Variants in CNTN5 observed in about 807,000 individuals in gnomAD.
CNTN5 encodes the protein contactin 5, also known as contactin-5.
A neutral mutation model predicts 129.1 loss-of-function variants in CNTN5; 77 were observed. The ratio of observed to expected loss-of-function variants is 0.60; its 90% CI spans 0.50 to 0.72. The LOEUF (loss-of-function observed/expected upper bound fraction) is 0.72. Among genes scored for constraint, CNTN5 ranks in the 30% least tolerant of loss-of-function variants. The pLI, the probability that CNTN5 is intolerant of heterozygous loss-of-function variation, is 0.00. For missense variants in CNTN5, 1,478 were observed against 1,328.8 expected (o/e 1.11, Z -1.75); for synonymous variants, 509 against 465.6 (o/e 1.09, Z -1.20).
chr11:99,591,630 G>A (rs1343007214), intron 3 of CNTN5, among the ~76,000 whole-genome samples: 1 of 152,070 alleles, frequency 6.6e-6, no homozygotes, highest in Non-Finnish European at 1.5e-5. Flanking sequence ...GAGCCACCAC[G>A]CCCAGCCCCT....
intron 3 of CNTN5, among the ~76,000 whole-genome samples, chr11:99,641,467 G>A (rs1300153411): frequency 1.3e-5 from 2 of 152,138 alleles, no homozygotes; most frequent in Non-Finnish European, 2.9e-5. Context: ...CTCTGTATGG[G>A]ACTGAAGACA....
At position 99,512,082 on chromosome 11, in the gene CNTN5, T is replaced by A. The variant is rs12285154; in HGVS notation, c.-70-44063T>A. Among the ~76,000 whole-genome samples, 1,065 of 152,230 alleles carry A rather than the reference T, an allele frequency of 7.0e-3. 13 individuals are homozygous for A. The highest frequency in any genetic ancestry group is 0.023 in the African/African-American group (976 of 41,556). On this transcript the variant is annotated intron_variant, in intron 2 of 24. Coordinates refer to ENST00000524871, the MANE Select transcript of CNTN5 (RefSeq NM_014361.4). ...TTATAAAGTCTACAGTAGTGTACAGTAATGTCCTAGGGCTTCACATTCACT... is the reference window on the plus strand; with the variant it reads ...TTATAAAGTCTACAGTAGTGTACAGAAATGTCCTAGGGCTTCACATTCACT...
intron 3 of CNTN5, among the ~76,000 whole-genome samples, chr11:99,575,261 T>C (rs767658714): frequency 9.2e-5 from 14 of 152,124 alleles, no homozygotes; most frequent in Admixed American, 3.3e-4. Context: ...ATTTGATACT[T>C]AAAGAAAGTT....
intron 18 of CNTN5, among the ~76,000 whole-genome samples, chr11:100,272,070 A>T (rs2138785907): frequency 6.6e-6 from 1 of 152,324 alleles, no homozygotes; most frequent in Non-Finnish European, 1.5e-5. Context: ...TGAAAACAAT[A>T]GAAAGAGGAG....
At chr11:100,252,414 T>C (rs1350496807) in intron 16 of CNTN5, among the ~76,000 whole-genome samples, 1 of 152,170 alleles carries the variant, frequency 6.6e-6, no homozygotes, top group African/African-American at 2.4e-5. Flanking sequence ...GCTTTTTAGT[T>C]TGGTATAATC....
At chr11:99,951,075 A>G (rs1465773577) in intron 7 of CNTN5, among the ~76,000 whole-genome samples, 1 of 152,150 alleles carries the variant, frequency 6.6e-6, no homozygotes, top group Non-Finnish European at 1.5e-5. Context: ...TTTAGTTTAC[A>G]GATGAGAAGA....
intron 13 of CNTN5, among the ~76,000 whole-genome samples, chr11:100,146,105 T>C (rs543921516): frequency 1.1e-4 from 16 of 152,290 alleles, no homozygotes; most frequent in African/African-American, 3.6e-4. Context: ...AATATAAGCA[T>C]GGGCTCTTTG....
At chr11:99,452,266 T>A (rs1234692934) in intron 2 of CNTN5, among the ~76,000 whole-genome samples, 1 of 151,938 alleles carries the variant, frequency 6.6e-6, no homozygotes. Flanking sequence ...TAGTGTCTCG[T>A]CAGCACTAAT....
chr11:99,384,481 C>T (rs371024095), intron 2 of CNTN5, among the ~76,000 whole-genome samples: 2 of 152,216 alleles, frequency 1.3e-5, no homozygotes, highest in Admixed American at 6.5e-5. Flanking sequence ...CACCCCCAAC[C>T]GAGGGACTCA....
chr11:99,225,629 C>A (rs748816941), intron 1 of CNTN5, among the ~76,000 whole-genome samples: 1 of 152,088 alleles, frequency 6.6e-6, no homozygotes, highest in Non-Finnish European at 1.5e-5. Context: ...TTCTCACTAC[C>A]AAATCTGCAT....
chr11:100,017,168 G>A (rs1940870747), intron 9 of CNTN5, among the ~76,000 whole-genome samples: 1 of 151,732 alleles, frequency 6.6e-6, no homozygotes, highest in Non-Finnish European at 1.5e-5. Flanking sequence ...ATGAAATCAG[G>A]TCACTTGTTT....
chr11:99,925,921 A>G (rs1354336783), intron 7 of CNTN5, among the ~76,000 whole-genome samples: 1 of 152,110 alleles, frequency 6.6e-6, no homozygotes, highest in African/African-American at 2.4e-5. Context: ...TTGTACCATC[A>G]TATTTCACCT....
At chr11:99,844,745 C>A in intron 4 of CNTN5, 107 bp from the exon 5 acceptor site, 1 of 1,097,626 alleles carries the variant, frequency 9.1e-7, no homozygotes, top group Non-Finnish European at 1.3e-6. Flanking sequence ...CTGTTGATTA[C>A]AAGAAAAGAG....
intron 21 of CNTN5, among the ~76,000 whole-genome samples, chr11:100,330,205 G>A (rs1026961058): frequency 6.6e-6 from 1 of 152,108 alleles, no homozygotes; most frequent in Admixed American, 6.5e-5. Context: ...CTCAGCAATA[G>A]AATCAAAAAG....
chr11:99,382,255 C>G (rs1412944136), intron 2 of CNTN5, among the ~76,000 whole-genome samples: 2 of 152,198 alleles, frequency 1.3e-5, no homozygotes, highest in East Asian at 3.9e-4. Context: ...GATACAAACA[C>G]TGAGAGGACT....
Position 99,629,325 on chromosome 11 carries a change from T to A in CNTN5, c.55+73056T>A, listed in dbSNP as rs191974644. On this transcript the variant is annotated intron_variant, in intron 3 of 24. Transcript: ENST00000524871. ...TATTTCACTAGGTGGTGAGATTTTA[T>A]TCTTGTCTCTATTTGGACTAGAGTC... 2.9e-3 allele frequency among the ~76,000 whole-genome samples: 440 copies of A among 152,166 alleles called. 2 individuals are homozygous for A. The highest frequency in any genetic ancestry group is 9.8e-3 in the African/African-American group (409 of 41,570).
chr11:99,361,618 G>C (rs544126092), intron 2 of CNTN5, among the ~76,000 whole-genome samples: 1 of 151,910 alleles, frequency 6.6e-6, no homozygotes, highest in African/African-American at 2.4e-5. Flanking sequence ...AACAGAAACC[G>C]TGTCCATTAA....
intron 7 of CNTN5, among the ~76,000 whole-genome samples, chr11:99,940,805 A>G (rs1950417829): frequency 6.6e-6 from 1 of 152,106 alleles, no homozygotes. Context: ...CTGCAGATAG[A>G]TTAAAGCATA....
intron 3 of CNTN5, among the ~76,000 whole-genome samples, chr11:99,791,031 C>G (rs571204818): frequency 1.1e-4 from 17 of 151,400 alleles, no homozygotes; most frequent in Admixed American, 1.1e-3. Flanking sequence ...TTTTCAGTTT[C>G]TTATAGATTA....
Sources: allele counts gnomAD v4.1 joint callset (sites outside exome capture counted in the v4.1 genomes callset), GRCh38; gene constraint gnomAD v4.1.1; transcripts MANE v1.5; gene names NCBI Gene and HGNC (gene_info 2026-07-23, HGNC 2026-07-21).